CNTNAP5: variants seen among roughly 807,000 people sequenced by gnomAD.
CNTNAP5 encodes the protein contactin associated protein family member 5.
Under a neutral mutation model 150.2 loss-of-function variants are expected in CNTNAP5, and 72 were observed. The observed-to-expected ratio is 0.48, with a 90% CI of 0.40 to 0.58. The LOEUF (loss-of-function observed/expected upper bound fraction) is 0.58. CNTNAP5 is among the 20% of genes least tolerant of loss of function. CNTNAP5 has a pLI of 0.00. For synonymous variants in CNTNAP5, 672 were observed against 619.8 expected (o/e 1.08, Z -1.25); for missense variants, 1,636 against 1,626.2 (o/e 1.01, Z -0.10).
chr2:124,838,757 A>T (rs1460945403), intron 19 of CNTNAP5, among the ~76,000 whole-genome samples: 1 of 152,180 alleles, frequency 6.6e-6, no homozygotes, highest in African/African-American at 2.4e-5. Flanking sequence ...TCACAAAAAA[A>T]TAGTGGTTAA....
chr2:124,586,768 C>CTCTGG (rs1696546024), intron 11 of CNTNAP5, among the ~76,000 whole-genome samples: 1 of 152,204 alleles, frequency 6.6e-6, no homozygotes, highest in South Asian at 2.1e-4. Flanking sequence ...CCTTCCAGGG[C>CTCTGG]AACCTCCAAC....
intron 11 of CNTNAP5, among the ~76,000 whole-genome samples, chr2:124,567,858 T>TAGATAGATAGATAG (rs1553480431): frequency 4.0e-4 from 53 of 132,922 alleles, no homozygotes; most frequent in African/African-American, 1.4e-3. Context: ...GATAGATAGA[T>TAGATAGATAGATAG]AGATAGATAG....
At chr2:124,494,952 C>G (rs1694113095) in intron 7 of CNTNAP5, among the ~76,000 whole-genome samples, 1 of 152,002 alleles carries the variant, frequency 6.6e-6, no homozygotes. Flanking sequence ...ATTGGAAATA[C>G]AAAAGATTTT....
chr2:124,124,360 GA>G, intron 1 of CNTNAP5, among the ~76,000 whole-genome samples: 1 of 152,102 alleles, frequency 6.6e-6, no homozygotes, highest in African/African-American at 2.4e-5. Flanking sequence ...GAAGTTTAGA[GA>G]AAAAAAGAGT....
chr2:124,300,892 T>A (rs1375553613), intron 3 of CNTNAP5, among the ~76,000 whole-genome samples: 1 of 152,148 alleles, frequency 6.6e-6, no homozygotes, highest in Non-Finnish European at 1.5e-5. Flanking sequence ...GAAATCTACT[T>A]GCCCACAGGA....
chr2:124,486,473 A>G (rs1373154642), intron 7 of CNTNAP5, among the ~76,000 whole-genome samples: 1 of 152,228 alleles, frequency 6.6e-6, no homozygotes, highest in Non-Finnish European at 1.5e-5. Flanking sequence ...TAAATGTAAA[A>G]ACAAAATGCA....
At chr2:124,574,164 G>A (rs982132562) in intron 11 of CNTNAP5, among the ~76,000 whole-genome samples, 11 of 152,222 alleles carry the variant, frequency 7.2e-5, no homozygotes, top group African/African-American at 2.4e-4. Flanking sequence ...GAGGCAAAAC[G>A]TCACCAGTAG....
chr2:124,434,405 T>C (rs1692471292), intron 4 of CNTNAP5, 79 bp from the exon 5 acceptor site: 2 of 1,108,686 alleles, frequency 1.8e-6, no homozygotes, highest in South Asian at 1.3e-5. Context: ...GAACTGGACA[T>C]GAAATAAGAT....
chr2:124,227,633 C>T (rs1573851335), intron 2 of CNTNAP5, among the ~76,000 whole-genome samples: 1 of 122,020 alleles, frequency 8.2e-6, no homozygotes, highest in Admixed American at 8.8e-5. Context: ...CTCAGCACAT[C>T]GTGTGTATGT....
intron 3 of CNTNAP5, among the ~76,000 whole-genome samples, chr2:124,364,430 AT>A (rs1223143048): frequency 6.6e-6 from 1 of 151,528 alleles, no homozygotes; most frequent in African/African-American, 2.4e-5. Flanking sequence ...TCACCTTTTT[AT>A]TTTTTCCACA....
At chr2:124,604,593 G>A (rs1697059629) in intron 11 of CNTNAP5, among the ~76,000 whole-genome samples, 1 of 152,174 alleles carries the variant, frequency 6.6e-6, no homozygotes, top group Admixed American at 6.6e-5. Context: ...AAACGATGAA[G>A]GTTGTTTCAG....
intron 1 of CNTNAP5, among the ~76,000 whole-genome samples, chr2:124,125,347 C>T (rs1683665101): frequency 6.6e-6 from 1 of 152,148 alleles, no homozygotes; most frequent in Non-Finnish European, 1.5e-5. Flanking sequence ...GGGATCAATT[C>T]AACAAGAAGA....
intron 3 of CNTNAP5, among the ~76,000 whole-genome samples, chr2:124,309,733 C>T (rs1386696997): frequency 1.3e-5 from 2 of 152,142 alleles, no homozygotes; most frequent in Non-Finnish European, 2.9e-5. Context: ...ATGTGATGTC[C>T]CTTGCAGCTG....
chr2:124,875,778 C>T (rs1432372936), intron 21 of CNTNAP5, among the ~76,000 whole-genome samples: 1 of 145,130 alleles, frequency 6.9e-6, no homozygotes, highest in Non-Finnish European at 1.5e-5. Flanking sequence ...CAGGGAGGTG[C>T]TCAACTGTGC....
chr2:124,026,757 T>A (rs1039032533), intron 1 of CNTNAP5, among the ~76,000 whole-genome samples: 1 of 152,240 alleles, frequency 6.6e-6, no homozygotes, highest in Non-Finnish European at 1.5e-5. Context: ...ATTACCCATA[T>A]TGGAACAGTT....
chr2:124,077,341 G>C (rs1037226480), intron 1 of CNTNAP5, among the ~76,000 whole-genome samples: 3 of 152,094 alleles, frequency 2.0e-5, no homozygotes, highest in Non-Finnish European at 4.4e-5. Flanking sequence ...TTTGAGAAAA[G>C]ATACTTGCTA....
At chr2:124,629,514 G>A (rs893198663) in intron 12 of CNTNAP5, among the ~76,000 whole-genome samples, 1 of 152,098 alleles carries the variant, frequency 6.6e-6, no homozygotes, top group Non-Finnish European at 1.5e-5. Flanking sequence ...TGAAACCAAT[G>A]AGAACAAAGA....
At chr2:124,635,087 C>T (rs576301326) in intron 12 of CNTNAP5, among the ~76,000 whole-genome samples, 1 of 152,220 alleles carries the variant, frequency 6.6e-6, no homozygotes, top group African/African-American at 2.4e-5. Flanking sequence ...ATACTTGAGA[C>T]TGAGTAATTT....
chr2:124,123,334 A>G (rs1195676609), intron 1 of CNTNAP5, among the ~76,000 whole-genome samples: 1 of 152,088 alleles, frequency 6.6e-6, no homozygotes, highest in Non-Finnish European at 1.5e-5. Flanking sequence ...GAACTGCAAA[A>G]AGGTGGCAGC....
Sources: allele counts gnomAD v4.1 joint callset (sites outside exome capture counted in the v4.1 genomes callset), GRCh38; gene constraint gnomAD v4.1.1; transcripts MANE v1.5; gene names NCBI Gene and HGNC (gene_info 2026-07-23, HGNC 2026-07-21).